The following NELL1 variants were observed in gnomAD, a reference collection of about 807,000 sequenced individuals.
NELL1 encodes neural EGFL like 1.
NELL1 carries 76 observed loss-of-function variants against 107.4 expected under a neutral mutation model. That is an observed-to-expected ratio of 0.71 (90% confidence interval 0.59 to 0.86). NELL1 has a LOEUF of 0.86. Ranked by LOEUF, NELL1 falls within the 40% of genes least tolerant of loss-of-function variation. NELL1 has a pLI of 0.00. For missense variants in NELL1, 1,024 were observed against 1,005.5 expected (o/e 1.02, Z -0.25); for synonymous variants, 353 against 341.2 (o/e 1.03, Z -0.38).
At chr11:21,135,428 T>C (rs1855724005) in intron 13 of NELL1, among the ~76,000 whole-genome samples, 1 of 152,160 alleles carries the variant, frequency 6.6e-6, no homozygotes, top group African/African-American at 2.4e-5. Context: ...TCAGGAGGCG[T>C]TTTGTTTATA....
intron 14 of NELL1, among the ~76,000 whole-genome samples, chr11:21,311,583 G>A (rs981141909): frequency 6.6e-6 from 1 of 152,128 alleles, no homozygotes; most frequent in Non-Finnish European, 1.5e-5. Context: ...GACTATTAAT[G>A]CCTCAATTAA....
intron 5 of NELL1, among the ~76,000 whole-genome samples, chr11:20,898,603 A>T (rs1043042719): frequency 5.2e-4 from 78 of 151,302 alleles, no homozygotes; most frequent in Non-Finnish European, 8.0e-4. Flanking sequence ...CACCACATCC[A>T]CGTCAACATC....
At chr11:20,958,649 T>C (rs1416637349) in intron 11 of NELL1, among the ~76,000 whole-genome samples, 2 of 152,186 alleles carry the variant, frequency 1.3e-5, no homozygotes, top group Non-Finnish European at 2.9e-5. Context: ...TTTAGACAAA[T>C]TGAAATTGAG....
intron 13 of NELL1, among the ~76,000 whole-genome samples, chr11:21,191,546 A>G (rs564472277): frequency 3.3e-5 from 5 of 152,058 alleles, no homozygotes; most frequent in East Asian, 1.9e-4. Context: ...ATAAGGCACT[A>G]TTTTTGGTAA....
chr11:21,272,301 A>G (rs1301962941), intron 14 of NELL1, among the ~76,000 whole-genome samples: 1 of 152,230 alleles, frequency 6.6e-6, no homozygotes, highest in East Asian at 1.9e-4. Flanking sequence ...AGTCTCACTC[A>G]TTGCTAGCAC....
At chr11:20,721,774 A>T (rs943378171) in intron 2 of NELL1, among the ~76,000 whole-genome samples, 54 of 152,312 alleles carry the variant, frequency 3.5e-4, no homozygotes, top group African/African-American at 1.2e-3. Flanking sequence ...GAGTGGGAAG[A>T]CTAGGGCAAA....
At chr11:21,197,400 C>T (rs1174621502) in intron 13 of NELL1, among the ~76,000 whole-genome samples, 2 of 111,634 alleles carry the variant, frequency 1.8e-5, no homozygotes, top group African/African-American at 6.9e-5. Flanking sequence ...GTAGATTCTC[C>T]AGAAAGAAAC....
intron 5 of NELL1, among the ~76,000 whole-genome samples, chr11:20,892,174 C>T (rs557890952): frequency 5.3e-5 from 8 of 152,196 alleles, no homozygotes; most frequent in Non-Finnish European, 1.2e-4. Context: ...TCTCTCAGAT[C>T]ACGGTGCGAT....
chr11:21,392,680 A>G (rs767261905), intron 15 of NELL1, among the ~76,000 whole-genome samples: 3 of 151,810 alleles, frequency 2.0e-5, no homozygotes, highest in South Asian at 2.1e-4. Context: ...ACTTATATAC[A>G]ATAATAATAT....
In NELL1 at chr11:20,755,559, T is replaced by TTTA. The variant is rs1337491294; in HGVS notation, c.185-28119_185-28118insATT. ...GTTTTTGTTTTTTTTTGTTTTTGTT[T>TTTA]TTGTTTTTTTTTTTTTGAGACAGAA... On this transcript the variant is annotated intron_variant, in intron 2 of 19. Coordinates refer to ENST00000357134, the MANE Select transcript of NELL1 (RefSeq NM_006157.5). 1.1e-3 allele frequency among the ~76,000 whole-genome samples: 19 copies of TTTA among 17,668 alleles called. 1 individual carries two copies. The Middle Eastern group carries it at 0.38, about 349-fold the overall frequency. The allele number at this position is 17,668 out of a possible 152,430, so 11.6% of individuals were successfully genotyped here. A position where few individuals can be genotyped will look rare whatever the true frequency, so the allele number is the denominator to read the frequency against.
At chr11:21,221,390 A>C (rs947282486) in intron 13 of NELL1, among the ~76,000 whole-genome samples, 1 of 152,100 alleles carries the variant, frequency 6.6e-6, no homozygotes, top group Non-Finnish European at 1.5e-5. Flanking sequence ...GTAATACTGG[A>C]CTTGTACAAT....
In NELL1 at chr11:21,091,983, A is replaced by G. The variant is rs147662547; in HGVS notation, c.1301-21606A>G. Among the ~76,000 whole-genome samples the G allele has an allele frequency of 5.7e-4, 87 of 152,286 alleles. No homozygotes were observed. The East Asian group carries it at 0.013, about 23-fold the overall frequency. On this transcript the variant is annotated intron_variant, in intron 12 of 19. Transcript: ENST00000357134. ...TTTTGTGGAGTGAATCTCAAGATGG[A>G]TTTTGAAGGATGAGAATATATTTGC...
At chr11:20,956,394 C>A (rs753559161) in intron 11 of NELL1, among the ~76,000 whole-genome samples, 1 of 152,152 alleles carries the variant, frequency 6.6e-6, no homozygotes, top group Non-Finnish European at 1.5e-5. Context: ...CGCCTCTAAT[C>A]CCAGCACTTT....
At chr11:20,831,688 T>A (rs1858013055) in intron 3 of NELL1, among the ~76,000 whole-genome samples, 1 of 152,168 alleles carries the variant, frequency 6.6e-6, no homozygotes, top group Admixed American at 6.5e-5. Flanking sequence ...TGCTGCAGAT[T>A]GGGCTTAGGT....
chr11:21,318,286 T>A (rs927793063), intron 14 of NELL1, among the ~76,000 whole-genome samples: 3 of 152,188 alleles, frequency 2.0e-5, no homozygotes, highest in African/African-American at 7.2e-5. Context: ...ATGTAATTCA[T>A]GTTCTTAATC....
At chr11:21,016,523 GT>G (rs1243089190) in intron 12 of NELL1, among the ~76,000 whole-genome samples, 1 of 152,042 alleles carries the variant, frequency 6.6e-6, no homozygotes, top group African/African-American at 2.4e-5. Context: ...AGATATCACA[GT>G]TCCTGTAACA....
intron 4 of NELL1, among the ~76,000 whole-genome samples, chr11:20,869,057 A>G (rs568077095): frequency 6.6e-6 from 1 of 152,220 alleles, no homozygotes; most frequent in Non-Finnish European, 1.5e-5. Flanking sequence ...GCAAAAGAGT[A>G]TATGAAACTT....
chr11:20,985,155 AT>A (rs1851827325), intron 12 of NELL1, among the ~76,000 whole-genome samples: 1 of 152,182 alleles, frequency 6.6e-6, no homozygotes, highest in African/African-American at 2.4e-5. Context: ...AGTGGTTACT[AT>A]TCTTTGAATA....
chr11:21,039,804 G>A (rs1352199421), intron 12 of NELL1, among the ~76,000 whole-genome samples: 1 of 152,078 alleles, frequency 6.6e-6, no homozygotes, highest in Non-Finnish European at 1.5e-5. Context: ...CCCAAAGGCA[G>A]TTTGAGGTCA....
Sources: gnomAD v4.1 joint callset for allele counts (sites outside exome capture counted in the v4.1 genomes callset) on GRCh38, gnomAD v4.1.1 for gene constraint, MANE v1.5 for transcripts, NCBI Gene and HGNC (gene_info 2026-07-23, HGNC 2026-07-21) for gene names.